Variants in KLHDC10 observed in about 807,000 individuals in gnomAD.
KLHDC10 encodes kelch domain-containing protein 10.
In KLHDC10, 24 loss-of-function variants were observed where a neutral mutation model predicts 56.1. The observed-to-expected ratio is 0.43, with a 90% confidence interval of 0.31 to 0.60. The LOEUF is 0.60. KLHDC10 is among the 20% of genes least tolerant of loss of function. The pLI, the probability that KLHDC10 is intolerant of heterozygous loss-of-function variation, is 0.11. For missense variants in KLHDC10, 349 were observed against 567.0 expected, an observed-to-expected ratio of 0.62 and a Z score of 3.91; for synonymous variants, 188 against 207.1, an observed-to-expected ratio of 0.91 and a Z score of 0.79.
At chr7:130,119,830 C>T (rs1796224616) in intron 3 of KLHDC10, among the ~76,000 whole-genome samples, 1 of 118,418 alleles carries the variant, frequency 8.4e-6, no homozygotes, top group Non-Finnish European at 1.6e-5. Flanking sequence ...GGAGACAGAG[C>T]AAGACTCCGT....
chr7:130,129,067 G>A (rs1796360674), intron 8 of KLHDC10, among the ~76,000 whole-genome samples: 2 of 151,312 alleles, frequency 1.3e-5, no homozygotes, highest in African/African-American at 2.4e-5. Flanking sequence ...CATAGCTGTC[G>A]CCTCTTTTAG....
At chr7:130,129,347 A>G (rs1362602491) in intron 8 of KLHDC10, 90 bp from the exon 9 acceptor site, 136 of 1,456,422 alleles carry the variant, frequency 9.3e-5, no homozygotes, top group Non-Finnish European at 1.3e-4. Flanking sequence ...CACTGGCCGC[A>G]TGTCAGCTGG....
chr7:130,129,312 G>A lies in KLHDC10; in HGVS notation c.980-125G>A, dbSNP rs58307478. ...CATGAGAGGCTGCACAGCAGAAGTC[G>A]TCTGTGTCATGGGGCAATCCACTTC... On this transcript the variant is annotated intron_variant, in intron 8 of 9. Coordinates refer to ENST00000335420, the MANE Select transcript of KLHDC10 (RefSeq NM_014997.4). 3.7e-3 allele frequency: 3,719 copies of A among 1,011,166 alleles called. 84 individuals carry two copies. In the African/African-American group the frequency reaches 0.05, roughly 14 times the overall value. 62.6% of individuals were successfully genotyped at this position (1,011,166 alleles called of 1,614,324 possible).
chr7:130,093,397 T>C (rs1795806657), intron 1 of KLHDC10, among the ~76,000 whole-genome samples: 1 of 152,034 alleles, frequency 6.6e-6, no homozygotes, highest in Non-Finnish European at 1.5e-5. Context: ...CTAATTTTTT[T>C]TGTATTTTAG....
rs1796392127 is a variant in KLHDC10 at position 130,130,925 on chromosome 7, C to T, written c.*179C>T. The T allele has an allele frequency of 1.7e-6, 1 of 592,274 alleles. No individual in the cohort carries two copies. The highest frequency in any genetic ancestry group is 1.9e-5 in the African/African-American group (1 of 53,660). The allele number at this position is 592,274 out of a possible 1,614,324, so 36.7% of individuals were successfully genotyped here. On this transcript the variant is annotated 3_prime_UTR_variant, in exon 10 of 10. Transcript: ENST00000335420. This position sits in a 1 kb window ranked among gnomAD's most constrained non-coding sequence, Gnocchi z 4.2. ...TCAGTTTATGGACATCTCACTTTCC[C>T]ACGTGCTTCCTTCTTTGCTTCTGTT...
chr7:130,116,774 C>A lies in KLHDC10; in HGVS notation c.475+108C>A. The A allele has an allele frequency of 2.1e-6, 2 of 935,148 alleles. No homozygotes were observed. The highest frequency in any genetic ancestry group is 1.5e-5 in the South Asian group (1 of 66,458). 57.9% of individuals were successfully genotyped at this position (935,148 alleles called of 1,614,324 possible). On this transcript the variant is annotated intron_variant, in intron 3 of 9. Transcript: ENST00000335420. The surrounding 1 kb of genome is among the most constrained non-coding windows in gnomAD (Gnocchi z 4.8). ...TTTATAACACTATAATGTGATTTCG[C>A]CCTGTGGGTGGATAGGCTTTTTACT...
At chr7:130,081,688 T>A (rs889925933) in intron 1 of KLHDC10, among the ~76,000 whole-genome samples, 1 of 152,254 alleles carries the variant, frequency 6.6e-6, no homozygotes, top group Non-Finnish European at 1.5e-5. Context: ...CTTGAATTTA[T>A]GTCAACAATG....
chr7:130,101,092 C>T (rs1795923212), intron 2 of KLHDC10, among the ~76,000 whole-genome samples: 1 of 151,550 alleles, frequency 6.6e-6, no homozygotes, highest in Admixed American at 6.6e-5. Context: ...ACTGTATGAC[C>T]TTGGGCAAGT....
intron 1 of KLHDC10, among the ~76,000 whole-genome samples, chr7:130,088,101 T>G (rs1021908917): frequency 6.6e-6 from 1 of 152,140 alleles, no homozygotes; most frequent in Admixed American, 6.5e-5. Context: ...TATCAGATAT[T>G]AGATATTAAA....
At chr7:130,119,462 T>TGATC in intron 3 of KLHDC10, among the ~76,000 whole-genome samples, 1 of 147,968 alleles carries the variant, frequency 6.8e-6, no homozygotes, top group South Asian at 2.1e-4. Context: ...CAGTAAGCCG[T>TGATC]GATCGTGTCA....
intron 2 of KLHDC10, among the ~76,000 whole-genome samples, chr7:130,111,181 CACAAAA>C: frequency 6.6e-6 from 1 of 151,944 alleles, no homozygotes; most frequent in Non-Finnish European, 1.5e-5. Context: ...TTATACAACA[CACAAAA>C]ATATAAATTC....
At chr7:130,075,349 A>G (rs1239186247) in intron 1 of KLHDC10, among the ~76,000 whole-genome samples, 1 of 152,216 alleles carries the variant, frequency 6.6e-6, no homozygotes, top group Non-Finnish European at 1.5e-5. Flanking sequence ...GGTAAAAATA[A>G]TACTGTAGTC....
chr7:130,121,082 T>G (rs1796241861), intron 4 of KLHDC10, among the ~76,000 whole-genome samples, 179 bp downstream of exon 4: 1 of 152,068 alleles, frequency 6.6e-6, no homozygotes, highest in Non-Finnish European at 1.5e-5. Flanking sequence ...ACTTGCTGTG[T>G]TCTTTTCTTT....
chr7:130,077,302 C>A (rs180841745), intron 1 of KLHDC10, among the ~76,000 whole-genome samples: 1 of 110,520 alleles, frequency 9.0e-6, no homozygotes, highest in Non-Finnish European at 1.7e-5. Flanking sequence ...TGCAGTGAGC[C>A]AAGATTGTGC....
chr7:130,123,629 G>C (rs984197473), intron 5 of KLHDC10, among the ~76,000 whole-genome samples: 55 of 152,230 alleles, frequency 3.6e-4, no homozygotes, highest in African/African-American at 1.3e-3. Context: ...GCATATAGGT[G>C]CTAAGGAAGA....
In KLHDC10 at chr7:130,098,471, C is replaced by G. The variant is rs943288051; in HGVS notation, c.253+1464C>G. On this transcript the variant is annotated intron_variant, in intron 2 of 9. Coordinates refer to ENST00000335420, the MANE Select transcript of KLHDC10 (RefSeq NM_014997.4). ...TTGTGCCACTGCATTCCAGCCTGGGCGATAGAGTGAGACTTTTCTCCAAAA... is the reference window on the plus strand; with the variant it reads ...TTGTGCCACTGCATTCCAGCCTGGGGGATAGAGTGAGACTTTTCTCCAAAA... 5.9e-5 allele frequency among the ~76,000 whole-genome samples: 9 copies of G among 151,752 alleles called. No individual in the cohort carries two copies. The East Asian group carries it at 9.7e-4, about 16-fold the overall frequency.
chr7:130,097,618 TAAAAC>T (rs1375652044), intron 2 of KLHDC10, among the ~76,000 whole-genome samples: 2 of 152,096 alleles, frequency 1.3e-5, no homozygotes, highest in Non-Finnish European at 2.9e-5. Context: ...ACACAACAAT[TAAAAC>T]AATAAGATGT....
intron 7 of KLHDC10, 56 bp downstream of exon 7, chr7:130,125,987 T>G: frequency 7.7e-7 from 1 of 1,290,636 alleles, no homozygotes; most frequent in South Asian, 1.3e-5. Flanking sequence ...ATACTTTTAC[T>G]CATTTTGGAA....
At chr7:130,071,082 A>G (rs1352267851) in intron 1 of KLHDC10, among the ~76,000 whole-genome samples, 1 of 152,188 alleles carries the variant, frequency 6.6e-6, no homozygotes, top group Non-Finnish European at 1.5e-5. Context: ...TGACATTTCC[A>G]AATGTTTCGG....
Sources: gnomAD v4.1 joint callset for allele counts (sites outside exome capture counted in the v4.1 genomes callset) on GRCh38, gnomAD v4.1.1 for gene constraint, Gnocchi (gnomAD v3.1) non-coding constraint, MANE v1.5 for transcripts, NCBI Gene and HGNC (gene_info 2026-07-23, HGNC 2026-07-21) for gene names.